Variants in MACROD2 observed in about 807,000 individuals in gnomAD.
The protein encoded by MACROD2 is mono-ADP ribosylhydrolase 2.
A neutral mutation model predicts 70.4 loss-of-function variants in MACROD2; 36 were observed. The observed-to-expected ratio is 0.51, with a 90% CI of 0.39 to 0.68. The LOEUF is 0.68. MACROD2 is among the 30% of genes least tolerant of loss of function. The pLI is 0.00. For missense variants in MACROD2, 496 were observed against 538.4 expected (o/e 0.92, Z 0.78); for synonymous variants, 172 against 178.8 (o/e 0.96, Z 0.30).
intron 5 of MACROD2, among the ~76,000 whole-genome samples, chr20:15,186,120 T>C (rs2076532897): frequency 6.6e-6 from 1 of 152,152 alleles, no homozygotes; most frequent in African/African-American, 2.4e-5. Flanking sequence ...ACACCTTTTT[T>C]TTCTGGAGCG....
At chr20:14,781,583 A>G (rs989852885) in intron 5 of MACROD2, among the ~76,000 whole-genome samples, 1 of 151,232 alleles carries the variant, frequency 6.6e-6, no homozygotes, top group Non-Finnish European at 1.5e-5. Flanking sequence ...TACTTCAGTT[A>G]TAGCTTTTTG....
chr20:14,823,559 A>G (rs2072870713), intron 5 of MACROD2, among the ~76,000 whole-genome samples: 1 of 152,070 alleles, frequency 6.6e-6, no homozygotes, highest in Admixed American at 6.6e-5. Flanking sequence ...CAGCCATCGC[A>G]TTAAGAAGGA....
At chr20:15,419,522 T>C (rs6034182) in intron 6 of MACROD2, among the ~76,000 whole-genome samples, 48,778 of 152,136 alleles carry the variant, frequency 0.32, 8,238 homozygotes, top group African/African-American at 0.42. Flanking sequence ...GTGTTCTTGT[T>C]CCCGATTCCT....
chr20:15,292,523 G>A lies in MACROD2; in HGVS notation c.540+62462G>A, dbSNP rs117898784. On this transcript the variant is annotated intron_variant, in intron 6 of 17. Coordinates refer to ENST00000684519, the MANE Select transcript of MACROD2 (RefSeq NM_001351661.2). ...AAGATGAGATTTTGGTGGGGACACAGCCAAACCCTATAACAAAGTACACTC... is the reference window on the plus strand; with the variant it reads ...AAGATGAGATTTTGGTGGGGACACAACCAAACCCTATAACAAAGTACACTC... Among the ~76,000 whole-genome samples the A allele has an allele frequency of 9.2e-3, 1,399 of 152,274 alleles. 7 individuals are homozygous for A. Among genetic ancestry groups the A allele is most frequent in the Middle Eastern group, 0.017 (5 of 294 alleles).
intron 8 of MACROD2, among the ~76,000 whole-genome samples, chr20:15,727,144 T>G (rs183192884): frequency 6.6e-6 from 1 of 152,262 alleles, no homozygotes; most frequent in East Asian, 1.9e-4. Context: ...AGGAGTTCAG[T>G]TTCAATCTTC....
intron 6 of MACROD2, among the ~76,000 whole-genome samples, chr20:15,270,420 T>C (rs1724696514): frequency 6.6e-6 from 1 of 152,098 alleles, no homozygotes; most frequent in Non-Finnish European, 1.5e-5. Context: ...AGAAATATAA[T>C]AATGGAGAAC....
intron 8 of MACROD2, among the ~76,000 whole-genome samples, chr20:15,520,873 A>G (rs1490102133): frequency 6.6e-6 from 1 of 152,238 alleles, no homozygotes; most frequent in East Asian, 1.9e-4. Flanking sequence ...CTACTTCTTG[A>G]TAATGAGTTT....
chr20:15,991,345 T>C (rs533753081), intron 15 of MACROD2, among the ~76,000 whole-genome samples: 94 of 152,352 alleles, frequency 6.2e-4, no homozygotes, highest in African/African-American at 2.2e-3. Context: ...GTTTATCTCA[T>C]CTACAAAGCA....
At chr20:15,007,531 T>A (rs961129621) in intron 5 of MACROD2, among the ~76,000 whole-genome samples, 33 of 152,218 alleles carry the variant, frequency 2.2e-4, no homozygotes, top group African/African-American at 8.0e-4. Context: ...CTCTAACTGG[T>A]GGACTATGTC....
At chr20:14,621,058 G>A (rs894102134) in intron 4 of MACROD2, among the ~76,000 whole-genome samples, 1 of 151,950 alleles carries the variant, frequency 6.6e-6, no homozygotes, top group Non-Finnish European at 1.5e-5. Flanking sequence ...CTACTGATTC[G>A]CTGTGTGACC....
intron 6 of MACROD2, among the ~76,000 whole-genome samples, chr20:15,408,374 C>G (rs886106949): frequency 6.6e-6 from 1 of 152,124 alleles, no homozygotes; most frequent in Non-Finnish European, 1.5e-5. Flanking sequence ...CAGCTCCCAG[C>G]CTTGGTAGTA....
At chr20:15,874,445 G>A (rs1188322321) in intron 9 of MACROD2, among the ~76,000 whole-genome samples, 1 of 152,054 alleles carries the variant, frequency 6.6e-6, no homozygotes, top group African/African-American at 2.4e-5. Context: ...TGGGGTGGCT[G>A]GGTCAAATGG....
intron 5 of MACROD2, among the ~76,000 whole-genome samples, chr20:15,035,923 T>C (rs2075309497): frequency 6.6e-6 from 1 of 151,804 alleles, no homozygotes; most frequent in Admixed American, 6.6e-5. Context: ...AGATCTGGTG[T>C]CAGTGAAAAC....
chr20:15,280,647 G>A (rs191224476), intron 6 of MACROD2: 2 of 152,344 alleles, frequency 1.3e-5, no homozygotes, highest in African/African-American at 4.8e-5. Context: ...CTTGGCACAA[G>A]TTATTTCCTT....
chr20:14,965,367 C>CT, intron 5 of MACROD2, among the ~76,000 whole-genome samples: 1 of 149,452 alleles, frequency 6.7e-6, no homozygotes, highest in South Asian at 2.1e-4. Context: ...TATAGTTATA[C>CT]TTTTTTGCTG....
At chr20:14,218,943 C>T (rs543221187) in intron 3 of MACROD2, among the ~76,000 whole-genome samples, 2 of 152,122 alleles carry the variant, frequency 1.3e-5, no homozygotes, top group African/African-American at 4.8e-5. Context: ...TTACCTGGTC[C>T]TTCTGTCTCA....
intron 3 of MACROD2, chr20:14,324,703 G>T (rs1265101376): frequency 1.3e-5 from 2 of 152,044 alleles, no homozygotes; most frequent in Non-Finnish European, 2.9e-5. Flanking sequence ...AATCAGGATG[G>T]TATAGGCAAA....
chr20:15,779,053 CTAACAATGATAAT>C (rs1412034754), intron 8 of MACROD2, among the ~76,000 whole-genome samples: 2 of 151,994 alleles, frequency 1.3e-5, no homozygotes, highest in Admixed American at 1.3e-4. Flanking sequence ...CACACAGAGA[CTAACAATGATAAT>C]TCACAATGAT....
At chr20:14,357,422 CT>C (rs917408216) in intron 3 of MACROD2, among the ~76,000 whole-genome samples, 1 of 152,078 alleles carries the variant, frequency 6.6e-6, no homozygotes, top group Admixed American at 6.5e-5. Context: ...AAAAGATAAA[CT>C]TTTTTTGCAA....
Sources: gnomAD v4.1 joint callset for allele counts (sites outside exome capture counted in the v4.1 genomes callset) on GRCh38, gnomAD v4.1.1 for gene constraint, MANE v1.5 for transcripts, NCBI Gene and HGNC (gene_info 2026-07-23, HGNC 2026-07-21) for gene names.